Variants in EPHA7 observed in about 807,000 individuals in gnomAD.
The protein encoded by EPHA7 is ephrin type-A receptor 7.
A neutral mutation model predicts 112.6 loss-of-function variants in EPHA7; 25 were observed. That is an observed-to-expected ratio of 0.22 (90% CI 0.16 to 0.31). The LOEUF (loss-of-function observed/expected upper bound fraction) is 0.31, where lower values mean the gene tolerates loss of function less well. Ranked by LOEUF, EPHA7 falls within the 10% of genes least tolerant of loss-of-function variation. The pLI, the probability that EPHA7 is intolerant of heterozygous loss-of-function variation, is 1.00. For missense variants in EPHA7, 962 were observed against 1,212.6 expected (o/e 0.79, Z 3.07); for synonymous variants, 437 against 406.5 (o/e 1.07, Z -0.90).
rs1004516988 is a variant in EPHA7, at chr6:93,241,192, T to C, written c.*2234A>G. ...ATGTCTTCTATTTCTAGAATGGCTTTTGTTAATTTAATTTTAATAGAAAAA... is the reference window on the plus strand; with the variant it reads ...ATGTCTTCTATTTCTAGAATGGCTTCTGTTAATTTAATTTTAATAGAAAAA... On this transcript the variant is annotated 3_prime_UTR_variant, in exon 17 of 17. Transcript: ENST00000369303. The C allele has an allele frequency of 1.4e-5, 3 of 214,218 alleles. No individual in the cohort carries two copies. Among genetic ancestry groups the C allele is most frequent in the African/African-American group, 6.8e-5 (3 of 44,360 alleles). The allele number at this position is 214,218 out of a possible 1,614,324, so 13.3% of individuals were successfully genotyped here.
intron 3 of EPHA7, among the ~76,000 whole-genome samples, chr6:93,368,961 T>A (rs1298619741): frequency 5.3e-5 from 8 of 151,896 alleles, no homozygotes; most frequent in Non-Finnish European, 1.2e-4. Context: ...AGTGGAAAAT[T>A]TTCTGGAGAT....
chr6:93,357,288 T>A (rs1775998004), intron 4 of EPHA7, among the ~76,000 whole-genome samples: 1 of 152,186 alleles, frequency 6.6e-6, no homozygotes, highest in African/African-American at 2.4e-5. Context: ...TTTTAATACG[T>A]CAAAATGAAA....
At chr6:93,299,193 G>A (rs1772836282) in intron 5 of EPHA7, among the ~76,000 whole-genome samples, 1 of 152,004 alleles carries the variant, frequency 6.6e-6, no homozygotes, top group Admixed American at 6.5e-5. Flanking sequence ...GGGCGTGGTG[G>A]CGGGCGCCTG....
chr6:93,414,530 C>A (rs895532632), intron 2 of EPHA7, among the ~76,000 whole-genome samples, 173 bp downstream of exon 2: 2 of 151,784 alleles, frequency 1.3e-5, no homozygotes, highest in African/African-American at 4.8e-5. Context: ...TCTAAGTATA[C>A]CCTCTCTAAT....
At position 93,256,004 on chromosome 6, in the gene EPHA7, C is replaced by T; in HGVS notation, c.2206G>A (p.Val736Ile). 6.2e-7 allele frequency: 1 copy of T among 1,614,042 alleles called. No homozygotes were observed. Among genetic ancestry groups the T allele is most frequent in the Non-Finnish European group, 8.5e-7 (1 of 1,179,988 alleles). Residue 736 changes from valine (V) to isoleucine (I), a missense_variant, in exon 13 of 17, where the codon GTA (valine) becomes ATA (isoleucine). Coordinates refer to ENST00000369303, the MANE Select transcript of EPHA7 (RefSeq NM_004440.4). Reference protein sequence around the residue: ...HDGQFTVIQLVGMLRGIAAGM... With the variant: ...HDGQFTVIQLIGMLRGIAAGM... ...GCAGCAATTCCTCTCAGCATTCCTA[C>T]TAACTGAATGACTGTAAATTGCCCA... is the stretch of plus-strand genomic sequence containing the variant.
At chr6:93,405,607 T>C (rs1422275861) in intron 3 of EPHA7, among the ~76,000 whole-genome samples, 2 of 151,408 alleles carry the variant, frequency 1.3e-5, no homozygotes, top group Admixed American at 6.6e-5. Context: ...CTTCATTCAA[T>C]TCTGACAAGA....
rs1162769279 is a variant in EPHA7, at chr6:93,296,454, AAT to A, written c.1325-24034_1325-24033del. 8.7e-3 allele frequency among the ~76,000 whole-genome samples: 741 copies of A among 85,148 alleles called. 3 individuals are homozygous for A. Among genetic ancestry groups the A allele is most frequent in the African/African-American group, 0.019 (475 of 24,880 alleles). 55.9% of individuals were successfully genotyped at this position (85,148 alleles called of 152,430 possible). On this transcript the variant is annotated intron_variant, in intron 5 of 16. Transcript: ENST00000369303. ...TATAAAATATATAAATATATATATA[AAT>A]ATATATATATGTATATATATAATAC...
chr6:93,289,357 T>C (rs1209965077), intron 5 of EPHA7, among the ~76,000 whole-genome samples: 1 of 152,146 alleles, frequency 6.6e-6, no homozygotes, highest in African/African-American at 2.4e-5. Flanking sequence ...TAAGAAATTT[T>C]GATAACAATG....
intron 5 of EPHA7, among the ~76,000 whole-genome samples, chr6:93,291,296 G>A (rs987854658): frequency 7.2e-5 from 11 of 152,092 alleles, no homozygotes; most frequent in Admixed American, 1.3e-4. Flanking sequence ...TGTTCCTTAT[G>A]CAATGTTTTA....
chr6:93,383,263 CGT>C (rs56368005), intron 3 of EPHA7, among the ~76,000 whole-genome samples: 31,336 of 144,888 alleles, frequency 0.22, 3,686 homozygotes, highest in African/African-American at 0.34. Flanking sequence ...TATTGGAACT[CGT>C]GTGTGTGTGT....
intron 3 of EPHA7, among the ~76,000 whole-genome samples, chr6:93,367,473 T>C (rs761920029): frequency 6.6e-6 from 1 of 152,186 alleles, no homozygotes; most frequent in Non-Finnish European, 1.5e-5. Flanking sequence ...CATTTGCTGT[T>C]ACATAATTTT....
chr6:93,319,692 T>C (rs1425395942), intron 5 of EPHA7, among the ~76,000 whole-genome samples: 1 of 152,134 alleles, frequency 6.6e-6, no homozygotes, highest in East Asian at 1.9e-4. Context: ...CTAGGAAGTT[T>C]TGCAGTAATC....
intron 3 of EPHA7, among the ~76,000 whole-genome samples, chr6:93,403,358 TA>T (rs61376259): frequency 1.4e-3 from 210 of 145,308 alleles, no homozygotes; most frequent in East Asian, 8.6e-3. Flanking sequence ...GGCGGGTAGG[TA>T]AAAAAAAAAA....
chr6:93,361,747 G>C (rs1434910477), intron 3 of EPHA7, among the ~76,000 whole-genome samples: 1 of 152,070 alleles, frequency 6.6e-6, no homozygotes, highest in Non-Finnish European at 1.5e-5. Flanking sequence ...TCTAGGAATT[G>C]TGCAACAGCA....
intron 3 of EPHA7, among the ~76,000 whole-genome samples, chr6:93,379,981 G>T (rs555091726): frequency 7.5e-4 from 114 of 152,090 alleles, no homozygotes; most frequent in African/African-American, 2.6e-3. Flanking sequence ...ACTGTGAAAA[G>T]ATTTTGTTTC....
intron 5 of EPHA7, among the ~76,000 whole-genome samples, chr6:93,334,575 T>C (rs764817466): frequency 6.6e-6 from 1 of 152,050 alleles, no homozygotes; most frequent in African/African-American, 2.4e-5. Flanking sequence ...CCAGCATATA[T>C]AATACCTACA....
At chr6:93,285,791 C>T (rs1772033501) in intron 5 of EPHA7, among the ~76,000 whole-genome samples, 1 of 152,186 alleles carries the variant, frequency 6.6e-6, no homozygotes, top group South Asian at 2.1e-4. Context: ...AAATAACGAA[C>T]TCAAAAACTA....
intron 3 of EPHA7, among the ~76,000 whole-genome samples, chr6:93,359,854 TAGAG>T (rs57690732): frequency 0.017 from 2,107 of 125,266 alleles, 33 homozygotes; most frequent in South Asian, 0.04. Context: ...CAATAGATGA[TAGAG>T]AGAGAGAGAG....
At chr6:93,353,543 C>T (rs978740577) in intron 5 of EPHA7, among the ~76,000 whole-genome samples, 2 of 152,094 alleles carry the variant, frequency 1.3e-5, no homozygotes, top group African/African-American at 4.8e-5. Context: ...TTCCCTCATG[C>T]TTCTGCAGAT....
Sources: gnomAD v4.1 joint callset for allele counts (sites outside exome capture counted in the v4.1 genomes callset) on GRCh38, gnomAD v4.1.1 for gene constraint, MANE v1.5 for transcripts, NCBI Gene and HGNC (gene_info 2026-07-23, HGNC 2026-07-21) for gene names.